The following SLC1A3 variants were observed in gnomAD, a reference collection of about 807,000 sequenced individuals.
SLC1A3 encodes the protein solute carrier family 1 member 3.
SLC1A3 carries 21 observed loss-of-function variants against 48.1 expected under a neutral mutation model. The ratio of observed to expected loss-of-function variants is 0.44; its 90% CI spans 0.31 to 0.63. The LOEUF (loss-of-function observed/expected upper bound fraction) is 0.63, where lower values mean the gene tolerates loss of function less well. Among genes scored for constraint, SLC1A3 ranks in the 20% least tolerant of loss-of-function variants. SLC1A3 has a pLI of 0.08. For synonymous variants in SLC1A3, 239 were observed against 251.4 expected, an observed-to-expected ratio of 0.95 and a Z score of 0.47; for missense variants, 546 against 689.0, an observed-to-expected ratio of 0.79 and a Z score of 2.32.
chr5:36,647,406 C>T (rs921325584), intron 3 of SLC1A3, among the ~76,000 whole-genome samples: 1 of 152,182 alleles, frequency 6.6e-6, no homozygotes, highest in Non-Finnish European at 1.5e-5. Context: ...AGTAAAGCAT[C>T]CTCAGTCCAT....
intron 3 of SLC1A3, among the ~76,000 whole-genome samples, chr5:36,660,664 G>C (rs1041621323): frequency 2.0e-5 from 3 of 152,220 alleles, no homozygotes; most frequent in Non-Finnish European, 4.4e-5. Context: ...TTCACTCTAT[G>C]CAGTAACACT....
intron 7 of SLC1A3, 130 bp downstream of exon 7, chr5:36,679,990 TC>T: frequency 1.4e-6 from 1 of 724,644 alleles, no homozygotes; most frequent in Non-Finnish European, 2.5e-6. Flanking sequence ...CTTTCTCATT[TC>T]TGATGTCAAT....
rs1011571369 is a variant in SLC1A3, at chr5:36,633,985, T to C, written c.319+4398T>C. ...ACCCGACTCCCCCGCTCTTGTAGTA[T>C]TTTTAAATGGCTGGGCGTCGTGGCT... On this transcript the variant is annotated intron_variant, in intron 3 of 9. Transcript: ENST00000265113. Among the ~76,000 whole-genome samples, 64 of 152,314 alleles carry C rather than the reference T, an allele frequency of 4.2e-4. 1 individual carries two copies. The highest frequency in any genetic ancestry group is 1.5e-3 in the African/African-American group (62 of 41,568).
chr5:36,639,339 C>G (rs1579983207), intron 3 of SLC1A3, among the ~76,000 whole-genome samples: 1 of 152,218 alleles, frequency 6.6e-6, no homozygotes, highest in African/African-American at 2.4e-5. Context: ...AACATCGGCA[C>G]TATTAATCTT....
intron 3 of SLC1A3, among the ~76,000 whole-genome samples, chr5:36,633,624 A>C (rs1212319571): frequency 6.6e-6 from 1 of 152,166 alleles, no homozygotes; most frequent in Non-Finnish European, 1.5e-5. Flanking sequence ...TAATTCACAT[A>C]ATATTCCAGT....
intron 3 of SLC1A3, among the ~76,000 whole-genome samples, chr5:36,631,041 A>C (rs746698150): frequency 6.6e-6 from 1 of 152,218 alleles, no homozygotes; most frequent in Non-Finnish European, 1.5e-5. Flanking sequence ...CACAGAAAGC[A>C]CTTGTAAGAC....
At position 36,597,233 on chromosome 5, in the gene SLC1A3, C is replaced by CTTTTTTTTTTTTTT. The variant is rs70976237; in HGVS notation, c.-96+573_-96+586dup. 4.6e-4 allele frequency among the ~76,000 whole-genome samples: 21 copies of CTTTTTTTTTTTTTT among 46,086 alleles called. 7 individuals are homozygous for CTTTTTTTTTTTTTT. Among genetic ancestry groups the CTTTTTTTTTTTTTT allele is most frequent in the African/African-American group, 1.6e-3 (17 of 10,458 alleles). The allele number at this position is 46,086 out of a possible 152,430, so 30.2% of individuals were successfully genotyped here. A position where few individuals can be genotyped will look rare whatever the true frequency, so the allele number is the denominator to read the frequency against. On this transcript the variant is annotated intron_variant, in intron 1 of 9. Transcript: ENST00000680318. ...CACACCGAAAACTTCTTCTTCCTTT[C>CTTTTTTTTTTTTTT]TTTTTTTTTTTTTTTTTTTTTTTTT...
intron 2 of SLC1A3, chr5:36,613,081 C>A: frequency 3.2e-6 from 1 of 316,532 alleles, no homozygotes. Context: ...AAGACTGGGG[C>A]CTTGGGGGTG....
chr5:36,641,146 A>G (rs759091097), intron 3 of SLC1A3, among the ~76,000 whole-genome samples: 4 of 152,174 alleles, frequency 2.6e-5, no homozygotes, highest in Non-Finnish European at 5.9e-5. Flanking sequence ...ATACATCTTT[A>G]GTATAGGATG....
chr5:36,678,050 C>T (rs756282654), intron 6 of SLC1A3, among the ~76,000 whole-genome samples: 4 of 152,284 alleles, frequency 2.6e-5, no homozygotes, highest in East Asian at 1.9e-4. Context: ...CTTTACCCAA[C>T]GGGGAGAGAA....
At chr5:36,611,258 C>T (rs1364550583) in intron 2 of SLC1A3, among the ~76,000 whole-genome samples, 5 of 141,154 alleles carry the variant, frequency 3.5e-5, no homozygotes, top group African/African-American at 1.3e-4. Context: ...TTTTCAAATT[C>T]CTAGGTTTTT....
At chr5:36,613,957 C>T (rs1029350729) in intron 2 of SLC1A3, among the ~76,000 whole-genome samples, 1 of 152,176 alleles carries the variant, frequency 6.6e-6, no homozygotes, top group African/African-American at 2.4e-5. Flanking sequence ...TGCCTCCCAG[C>T]CCTCTCCCAC....
intron 3 of SLC1A3, chr5:36,668,093 TG>T (rs1741832484): frequency 6.6e-6 from 1 of 152,230 alleles, no homozygotes; most frequent in Non-Finnish European, 1.5e-5. Context: ...TAAGGCTCAA[TG>T]TAAACTTCCT....
chr5:36,678,447 C>A (rs886707232), intron 6 of SLC1A3, among the ~76,000 whole-genome samples: 10 of 152,240 alleles, frequency 6.6e-5, no homozygotes, highest in African/African-American at 2.4e-4. Context: ...ATCTCACATG[C>A]AGCTTGTCTA....
At position 36,642,232 on chromosome 5, in the gene SLC1A3, A is replaced by C. The variant is rs1740643372; in HGVS notation, c.319+12645A>C. Among the ~76,000 whole-genome samples, 5 of 152,216 alleles carry C rather than the reference A, an allele frequency of 3.3e-5. 1 individual carries two copies. Among genetic ancestry groups the C allele is most frequent in the Admixed American group, 2.6e-4 (4 of 15,280 alleles). On this transcript the variant is annotated intron_variant, in intron 3 of 9. Transcript: ENST00000265113. ...TGAAGTCACCATATAACTTCCCGCT[A>C]AATAAACATCTGAACTGTAACTTGA... is the stretch of plus-strand genomic sequence containing the variant.
intron 2 of SLC1A3, among the ~76,000 whole-genome samples, chr5:36,623,325 T>C (rs1202087458): frequency 6.6e-6 from 1 of 152,204 alleles, no homozygotes; most frequent in African/African-American, 2.4e-5. Context: ...TAACATCACC[T>C]AGATGCAAAC....
At chr5:36,626,395 C>T (rs947904051) in intron 2 of SLC1A3, among the ~76,000 whole-genome samples, 5 of 152,226 alleles carry the variant, frequency 3.3e-5, no homozygotes, top group African/African-American at 1.2e-4. Context: ...ATCCTGCCTA[C>T]CCTTGGAAAT....
chr5:36,597,598 G>T (rs1474758916), intron 1 of SLC1A3, among the ~76,000 whole-genome samples: 1 of 152,084 alleles, frequency 6.6e-6, no homozygotes, highest in Non-Finnish European at 1.5e-5. Flanking sequence ...GAAAGCAAGG[G>T]ATACATCTTG....
chr5:36,609,689 G>A (rs950595783), intron 2 of SLC1A3, among the ~76,000 whole-genome samples: 1 of 152,162 alleles, frequency 6.6e-6, no homozygotes, highest in African/African-American at 2.4e-5. Flanking sequence ...TAACATCATT[G>A]TCTTCCATTA....
Sources: gnomAD v4.1 joint callset for allele counts (sites outside exome capture counted in the v4.1 genomes callset) on GRCh38, gnomAD v4.1.1 for gene constraint, MANE v1.5 for transcripts, NCBI Gene and HGNC (gene_info 2026-07-23, HGNC 2026-07-21) for gene names.